PTPRM: variants seen among roughly 807,000 people sequenced by gnomAD.
The protein encoded by PTPRM is receptor-type tyrosine-protein phosphatase mu.
In PTPRM, 47 loss-of-function variants were observed where a neutral mutation model predicts 186.7. The observed-to-expected ratio is 0.25, with a 90% CI of 0.20 to 0.32. PTPRM has a LOEUF of 0.32. PTPRM is among the 10% of genes least tolerant of loss of function. The probability of loss-of-function intolerance (pLI) is 1.00; values close to 1 mark genes in which losing one functional copy is unlikely to be tolerated. For missense variants in PTPRM, 1,494 were observed against 1,865.0 expected, an observed-to-expected ratio of 0.80 and a Z score of 3.66; for synonymous variants, 668 against 674.9, an observed-to-expected ratio of 0.99 and a Z score of 0.16.
chr18:8,112,154 C>G (rs2091784707), intron 11 of PTPRM, among the ~76,000 whole-genome samples: 1 of 152,188 alleles, frequency 6.6e-6, no homozygotes, highest in African/African-American at 2.4e-5. Flanking sequence ...GTAATATTCA[C>G]TTTATCATTG....
intron 1 of PTPRM, among the ~76,000 whole-genome samples, chr18:7,682,840 G>C (rs112535973): frequency 0.014 from 2,173 of 152,232 alleles, 26 homozygotes; most frequent in Non-Finnish European, 0.019. Flanking sequence ...TGGGCATTGG[G>C]GGGGTGCAAG....
chr18:7,894,717 A>G (rs543617700), intron 3 of PTPRM, among the ~76,000 whole-genome samples: 435 of 152,108 alleles, frequency 2.9e-3, no homozygotes, highest in Middle Eastern at 6.8e-3. Flanking sequence ...ATGCATTCTC[A>G]GGCTGTTTCT....
chr18:7,791,496 C>G (rs1467364811), intron 2 of PTPRM, among the ~76,000 whole-genome samples: 1 of 152,114 alleles, frequency 6.6e-6, no homozygotes, highest in Non-Finnish European at 1.5e-5. Flanking sequence ...GCATCTTCAA[C>G]ATGTATTTTC....
intron 5 of PTPRM, among the ~76,000 whole-genome samples, chr18:7,944,025 C>A (rs768973802): frequency 1.1e-4 from 16 of 152,150 alleles, no homozygotes; most frequent in Non-Finnish European, 1.9e-4. Context: ...CTAAAACATT[C>A]TTTTACTTTC....
intron 14 of PTPRM, among the ~76,000 whole-genome samples, chr18:8,230,188 G>A (rs1304120979): frequency 1.3e-5 from 2 of 152,094 alleles, no homozygotes; most frequent in Non-Finnish European, 2.9e-5. Flanking sequence ...GCCCAACAAA[G>A]ATAAAAACCC....
chr18:7,938,601 G>A (rs35434291), intron 5 of PTPRM, among the ~76,000 whole-genome samples: 33,019 of 152,096 alleles, frequency 0.22, 3,920 homozygotes, highest in African/African-American at 0.3. Flanking sequence ...AGAACTTCTA[G>A]TTTTGCTGGC....
At chr18:7,953,112 C>A (rs976753528) in intron 6 of PTPRM, among the ~76,000 whole-genome samples, 1 of 152,198 alleles carries the variant, frequency 6.6e-6, no homozygotes, top group Non-Finnish European at 1.5e-5. Context: ...TTGAATACTT[C>A]ATTTGATTTA....
rs1371852416 is a variant in PTPRM, at chr18:7,946,952, C to T, written c.664-2229C>T. On this transcript the variant is annotated intron_variant, in intron 5 of 32. Transcript: ENST00000580170. ...GCCCCTTCTTTGGGGAGCTGACTGC[C>T]TATGGGAACCCTCTCCCTCCATCCT... 2.6e-5 allele frequency: 12 copies of T among 456,130 alleles called. No individual in the cohort carries two copies. The East Asian group carries it at 8.3e-4, about 32-fold the overall frequency. The allele number at this position is 456,130 out of a possible 1,614,324, so 28.3% of individuals were successfully genotyped here. A position where few individuals can be genotyped will look rare whatever the true frequency, so the allele number is the denominator to read the frequency against.
chr18:8,117,907 T>G (rs2092015999), intron 13 of PTPRM, among the ~76,000 whole-genome samples: 1 of 152,192 alleles, frequency 6.6e-6, no homozygotes. Context: ...AACATTCACA[T>G]TTTTATAGTT....
At chr18:8,370,189 CAAAAA>C (rs11288424) in intron 23 of PTPRM, among the ~76,000 whole-genome samples, 1 of 121,890 alleles carries the variant, frequency 8.2e-6, no homozygotes, top group African/African-American at 3.3e-5. Flanking sequence ...ACATTCTTAC[CAAAAA>C]AAAAAAAAAA....
chr18:8,336,124 T>C (rs565748325), intron 22 of PTPRM, among the ~76,000 whole-genome samples: 2 of 152,314 alleles, frequency 1.3e-5, no homozygotes, highest in South Asian at 2.1e-4. Flanking sequence ...GCCAAAATGC[T>C]AAGTTTTACT....
intron 14 of PTPRM, among the ~76,000 whole-genome samples, chr18:8,184,024 G>A (rs2093611837): frequency 6.6e-6 from 1 of 152,166 alleles, no homozygotes; most frequent in African/African-American, 2.4e-5. Context: ...GAATGACCAG[G>A]CAACCACTTT....
intron 7 of PTPRM, among the ~76,000 whole-genome samples, chr18:7,984,062 G>A (rs2082700097): frequency 6.6e-6 from 1 of 152,152 alleles, no homozygotes; most frequent in Non-Finnish European, 1.5e-5. Context: ...ATGTGTTTTA[G>A]TATTCTTTAC....
At chr18:7,764,508 G>T (rs960788041) in intron 1 of PTPRM, among the ~76,000 whole-genome samples, 1 of 152,134 alleles carries the variant, frequency 6.6e-6, no homozygotes, top group South Asian at 2.1e-4. Flanking sequence ...GATTCATGGG[G>T]CTGTTCCCAG....
chr18:8,140,194 C>T (rs551432), intron 13 of PTPRM, among the ~76,000 whole-genome samples: 151,588 of 152,198 alleles, frequency 1, 75,492 homozygotes, highest in Middle Eastern at 1. Flanking sequence ...GCTCTGGGCA[C>T]CACTGACAGC....
rs772734695 is a variant in PTPRM at position 7,567,812 on chromosome 18, C to T, written c.-7C>T. On this transcript the variant is annotated 5_prime_UTR_variant, in exon 1 of 33. Coordinates refer to ENST00000580170, the MANE Select transcript of PTPRM (RefSeq NM_001105244.2). This position sits in a 1 kb window ranked among gnomAD's most constrained non-coding sequence, Gnocchi z 4.3. Reference sequence around the variant, plus strand: ...GCCGGGGAGCGGCCCGGCCCGCACTCAGCACCATGAGGGGACTTGGGACTT... The same window carrying T: ...GCCGGGGAGCGGCCCGGCCCGCACTTAGCACCATGAGGGGACTTGGGACTT... 7 of 1,544,770 alleles carry T rather than the reference C, an allele frequency of 4.5e-6. No homozygotes were observed. The highest frequency in any genetic ancestry group is 6.1e-6 in the Non-Finnish European group (7 of 1,151,164).
chr18:7,916,095 G>C (rs1159756257), intron 4 of PTPRM, among the ~76,000 whole-genome samples: 1 of 151,830 alleles, frequency 6.6e-6, no homozygotes, highest in Non-Finnish European at 1.5e-5. Context: ...TGGAGACCCT[G>C]AAAGGTGGGA....
intron 7 of PTPRM, among the ~76,000 whole-genome samples, chr18:8,035,469 C>T (rs1466632919): frequency 6.6e-6 from 1 of 152,142 alleles, no homozygotes; most frequent in African/African-American, 2.4e-5. Context: ...CACACCCTCC[C>T]ATAGCCTTTA....
chr18:7,990,548 C>A (rs1218578216), intron 7 of PTPRM, among the ~76,000 whole-genome samples: 3 of 152,118 alleles, frequency 2.0e-5, no homozygotes, highest in Non-Finnish European at 4.4e-5. Context: ...CAGCCAAAAT[C>A]TTTTAGGGTT....
Sources: gnomAD v4.1 joint callset for allele counts (sites outside exome capture counted in the v4.1 genomes callset) on GRCh38, gnomAD v4.1.1 for gene constraint, Gnocchi (gnomAD v3.1) non-coding constraint, MANE v1.5 for transcripts, NCBI Gene and HGNC (gene_info 2026-07-23, HGNC 2026-07-21) for gene names.